PDE4D: variants seen among roughly 807,000 people sequenced by gnomAD.
PDE4D encodes phosphodiesterase 4D.
Under a neutral mutation model 87.4 loss-of-function variants are expected in PDE4D, and 24 were observed. The observed-to-expected ratio is 0.27, with a 90% CI of 0.20 to 0.39. The LOEUF (loss-of-function observed/expected upper bound fraction) is 0.39. PDE4D is among the 10% of genes least tolerant of loss of function. PDE4D has a pLI of 1.00. For synonymous variants in PDE4D, 384 were observed against 383.2 expected (o/e 1.00, Z -0.02); for missense variants, 714 against 1,041.0 (o/e 0.69, Z 4.32).
Position 59,545,912 on chromosome 5 carries a change from G to C in PDE4D, c.456-329944C>G, listed in dbSNP as rs59683979. 6.2e-3 allele frequency among the ~76,000 whole-genome samples: 950 copies of C among 152,236 alleles called. 22 individuals carry two copies. In the East Asian group the frequency reaches 0.073, roughly 12 times the overall value. On this transcript the variant is annotated intron_variant, in intron 1 of 14. Coordinates refer to ENST00000340635, the MANE Select transcript of PDE4D (RefSeq NM_001104631.2). The stretch of plus-strand genomic sequence containing the variant: ...AAAACCTGAGGATTTTACTTGTAAA[G>C]TTTTGTTGATGGAGTCAAATACTCA...
intron 1 of PDE4D, among the ~76,000 whole-genome samples, chr5:59,330,005 A>G (rs1455751183): frequency 6.6e-6 from 1 of 152,216 alleles, no homozygotes; most frequent in Non-Finnish European, 1.5e-5. Flanking sequence ...AGTCAAAGCC[A>G]TTCTATAAAT....
intron 1 of PDE4D, among the ~76,000 whole-genome samples, chr5:60,447,804 T>A (rs927389295): frequency 2.0e-5 from 3 of 152,176 alleles, no homozygotes; most frequent in Non-Finnish European, 2.9e-5. Flanking sequence ...AGTCCCTTCA[T>A]CGGCAGCGAG....
intron 1 of PDE4D, among the ~76,000 whole-genome samples, chr5:59,600,733 A>G (rs1004884815): frequency 6.6e-6 from 1 of 152,168 alleles, no homozygotes; most frequent in African/African-American, 2.4e-5. Flanking sequence ...GCTACAAAAC[A>G]CACTTCAAAA....
intron 1 of PDE4D, among the ~76,000 whole-genome samples, chr5:60,293,263 T>G (rs1753067472): frequency 6.6e-6 from 1 of 152,068 alleles, no homozygotes; most frequent in Non-Finnish European, 1.5e-5. Context: ...CGGGCACTCA[T>G]GCCTGTAATC....
At chr5:60,116,084 T>C (rs925046082) in intron 2 of PDE4D, among the ~76,000 whole-genome samples, 4 of 152,070 alleles carry the variant, frequency 2.6e-5, no homozygotes, top group African/African-American at 9.7e-5. Flanking sequence ...TTGGACTACG[T>C]ATCTTTAACT....
At chr5:59,963,167 T>C (rs1561916160) in intron 3 of PDE4D, among the ~76,000 whole-genome samples, 1 of 152,200 alleles carries the variant, frequency 6.6e-6, no homozygotes, top group South Asian at 2.1e-4. Flanking sequence ...ACCTTGCTTT[T>C]GTTGATAGCA....
In PDE4D at chr5:60,474,128, A is replaced by G. The variant is rs1260156856; in HGVS notation, c.-90+13814T>C. Among the ~76,000 whole-genome samples, 28 of 99,156 alleles carry G rather than the reference A, an allele frequency of 2.8e-4. 1 individual carries two copies. The highest frequency in any genetic ancestry group is 2.7e-3 in the East Asian group (9 of 3,316). 65.1% of individuals were successfully genotyped at this position (99,156 alleles called of 152,430 possible). A position where few individuals can be genotyped will look rare whatever the true frequency, so the allele number is the denominator to read the frequency against. The stretch of plus-strand genomic sequence containing the variant: ...GCCATATATATATATATATATATAT[A>G]TATATATATATATATATATATAACA... On this transcript the variant is annotated intron_variant, in intron 1 of 16. Coordinates refer to the PDE4D transcript ENST00000502484.
Position 59,289,562 on chromosome 5 carries a change from CAG to C in PDE4D, c.456-73596_456-73595del, listed in dbSNP as rs1053883273. Reference sequence around the variant, plus strand: ...TCAACACAATAAAAGTCATATATAACAGACTCACAGCTGGTATCATACTGAAT... The same window carrying C: ...TCAACACAATAAAAGTCATATATAACACTCACAGCTGGTATCATACTGAAT... On this transcript the variant is annotated intron_variant, in intron 1 of 14. Transcript: ENST00000340635. Among the ~76,000 whole-genome samples the C allele has an allele frequency of 5.9e-5, 9 of 152,042 alleles. No individual in the cohort carries two copies. The East Asian group carries it at 1.7e-3, about 29-fold the overall frequency.
At chr5:59,762,197 CACATATGCGTATATGTGT>C in intron 1 of PDE4D, among the ~76,000 whole-genome samples, 2 of 135,600 alleles carry the variant, frequency 1.5e-5, no homozygotes, top group African/African-American at 2.7e-5. Context: ...TATATGGGTA[CACATATGCGTATATGTGT>C]ATATGGGTAC....
At position 59,783,192 on chromosome 5, in the gene PDE4D, C is replaced by T. The variant is rs1435767891; in HGVS notation, c.455+109976G>A. Among the ~76,000 whole-genome samples the T allele has an allele frequency of 2.0e-5, 3 of 152,208 alleles. No individual in the cohort carries two copies. The East Asian group carries it at 5.8e-4, about 29-fold the overall frequency. ...ACAGCTGTACAGCTGCATTCTTAAC[C>T]TTGGCTGCATATTAGAATCACCCGG... On this transcript the variant is annotated intron_variant, in intron 1 of 14. Transcript: ENST00000340635.
chr5:59,496,436 T>C (rs1164321401), intron 1 of PDE4D, among the ~76,000 whole-genome samples: 1 of 151,856 alleles, frequency 6.6e-6, no homozygotes, highest in Non-Finnish European at 1.5e-5. Flanking sequence ...GGCCTGGGGG[T>C]GGAGCCCTCG....
intron 1 of PDE4D, among the ~76,000 whole-genome samples, chr5:59,248,041 G>GCAAA (rs1561805685): frequency 1.0e-4 from 5 of 47,836 alleles, no homozygotes; most frequent in African/African-American, 7.2e-5. Context: ...GTATCTATTA[G>GCAAA]TAAAAAAAAA....
At chr5:59,676,162 A>C (rs1748053870) in intron 1 of PDE4D, among the ~76,000 whole-genome samples, 1 of 152,144 alleles carries the variant, frequency 6.6e-6, no homozygotes, top group Admixed American at 6.6e-5. Context: ...AGAATACGTA[A>C]GTTCTAAGCA....
intron 2 of PDE4D, among the ~76,000 whole-genome samples, chr5:60,109,442 A>C (rs1777431234): frequency 6.6e-6 from 1 of 151,028 alleles, no homozygotes; most frequent in East Asian, 2.0e-4. Context: ...CCATTGTGGA[A>C]GTCAGTGTGG....
chr5:60,045,235 T>C (rs569125229), intron 2 of PDE4D, among the ~76,000 whole-genome samples: 6 of 152,228 alleles, frequency 3.9e-5, no homozygotes, highest in Non-Finnish European at 7.4e-5. Context: ...TAAATTTGTT[T>C]GAGTTCATTG....
At chr5:59,151,882 A>G (rs1779529929) in intron 5 of PDE4D, among the ~76,000 whole-genome samples, 1 of 152,166 alleles carries the variant, frequency 6.6e-6, no homozygotes, top group African/African-American at 2.4e-5. Context: ...AAGAATGGGA[A>G]ACAAGACAAA....
chr5:60,270,652 C>T (rs1750716806), intron 1 of PDE4D, among the ~76,000 whole-genome samples: 1 of 152,078 alleles, frequency 6.6e-6, no homozygotes, highest in South Asian at 2.1e-4. Flanking sequence ...AGGAGGAAGT[C>T]AGCTAGAAAA....
At position 60,065,432 on chromosome 5, in the gene PDE4D, T is replaced by C. The variant is rs527766160; in HGVS notation, c.43-76715A>G. 1.2e-4 allele frequency among the ~76,000 whole-genome samples: 18 copies of C among 152,176 alleles called. 1 individual carries two copies. In the South Asian group the frequency reaches 3.7e-3, roughly 32 times the overall value. On this transcript the variant is annotated intron_variant, in intron 2 of 16. Coordinates refer to the PDE4D transcript ENST00000502484. ...TACATGACCTTAAACTAGTTACCAA[T>C]TTATTATCATTATTATTATTATACT...
chr5:59,767,676 G>A (rs556929686), intron 1 of PDE4D, among the ~76,000 whole-genome samples: 1 of 152,140 alleles, frequency 6.6e-6, no homozygotes, highest in Non-Finnish European at 1.5e-5. Flanking sequence ...AACTTTCTGC[G>A]TAGAATTCCT....
Sources: allele counts gnomAD v4.1 joint callset (sites outside exome capture counted in the v4.1 genomes callset), GRCh38; gene constraint gnomAD v4.1.1; transcripts MANE v1.5; gene names NCBI Gene and HGNC (gene_info 2026-07-23, HGNC 2026-07-21).